ADCY9: variants seen among roughly 807,000 people sequenced by gnomAD.
ADCY9 encodes adenylate cyclase 9.
A neutral mutation model predicts 101.5 loss-of-function variants in ADCY9; 50 were observed. The observed-to-expected ratio is 0.49, with a 90% CI of 0.39 to 0.62. The LOEUF (loss-of-function observed/expected upper bound fraction) is 0.62. Among genes scored for constraint, ADCY9 ranks in the 20% least tolerant of loss-of-function variants. The probability of loss-of-function intolerance (pLI) is 0.00; values close to 1 mark genes in which losing one functional copy is unlikely to be tolerated. For synonymous variants in ADCY9, 905 were observed against 769.3 expected (o/e 1.18, Z -2.92); for missense variants, 1,662 against 1,800.4 (o/e 0.92, Z 1.39).
chr16:3,959,918 C>G (rs2055929034), downstream of ADCY9, among the ~76,000 whole-genome samples: 1 of 152,006 alleles, frequency 6.6e-6, no homozygotes, highest in South Asian at 2.1e-4. Context: ...CCCAGCTACT[C>G]AGGAGGCTGA....
chr16:4,000,887 G>A lies in ADCY9; in HGVS notation c.1884+6481C>T, dbSNP rs1021069012. Among the ~76,000 whole-genome samples the A allele has an allele frequency of 2.6e-5, 4 of 151,112 alleles. No individual in the cohort carries two copies. In the East Asian group the frequency reaches 7.9e-4, roughly 30 times the overall value. On this transcript the variant is annotated intron_variant, in intron 3 of 10. Coordinates refer to ENST00000294016, the MANE Select transcript of ADCY9 (RefSeq NM_001116.4). ...GATAAGAAAATATTTGGCATCTGGG[G>A]AAATTTCATGGAAATGCAATATTTC...
rs59730727 is a variant in ADCY9, at chr16:4,072,994, G to GAAAA, written c.1693+40752_1693+40755dup. On this transcript the variant is annotated intron_variant, in intron 2 of 10. Transcript: ENST00000294016. ...CAACACAAACCTTCATATCCTAAAA[G>GAAAA]AAAAAAAAAAAAAAAAGAAACAAAC... 8.6e-4 allele frequency among the ~76,000 whole-genome samples: 111 copies of GAAAA among 129,678 alleles called. 1 individual carries two copies. The highest frequency in any genetic ancestry group is 1.2e-3 in the African/African-American group (39 of 33,616). The allele number at this position is 129,678 out of a possible 152,430, so 85.1% of individuals were successfully genotyped here. A position where few individuals can be genotyped will look rare whatever the true frequency, so the allele number is the denominator to read the frequency against.
Position 4,016,469 on chromosome 16 carries a change from C to T in ADCY9, c.1694-8911G>A, listed in dbSNP as rs114883913. Among the ~76,000 whole-genome samples the T allele has an allele frequency of 3.9e-3, 600 of 152,250 alleles. 4 individuals carry two copies. Among genetic ancestry groups the T allele is most frequent in the African/African-American group, 0.014 (571 of 41,548 alleles). ...CGTCGGCAGAGGGAGGGGGTCAGGT[C>T]ACACCTGCAGCAGGGACGGGGGTCC... is the stretch of plus-strand genomic sequence containing the variant. On this transcript the variant is annotated intron_variant, in intron 2 of 10. Transcript: ENST00000294016.
At chr16:4,061,742 A>G (rs1298970860) in intron 2 of ADCY9, among the ~76,000 whole-genome samples, 2 of 152,256 alleles carry the variant, frequency 1.3e-5, no homozygotes, top group Admixed American at 6.5e-5. Context: ...AAAGAAAAAA[A>G]CACCAGATTA....
At chr16:4,049,933 G>A (rs1394482114) in intron 2 of ADCY9, among the ~76,000 whole-genome samples, 1 of 152,008 alleles carries the variant, frequency 6.6e-6, no homozygotes, top group Non-Finnish European at 1.5e-5. Flanking sequence ...CAGGAAGCTA[G>A]GGTGGGAGGA....
intron 8 of ADCY9, among the ~76,000 whole-genome samples, chr16:3,977,952 G>A (rs913780488): frequency 3.3e-5 from 5 of 152,122 alleles, no homozygotes; most frequent in African/African-American, 1.2e-4. Context: ...CCTGACCTCA[G>A]GTGATCCACC....
At chr16:4,082,722 A>ACG in intron 2 of ADCY9, among the ~76,000 whole-genome samples, 1 of 135,734 alleles carries the variant, frequency 7.4e-6, no homozygotes, top group South Asian at 2.5e-4. Context: ...ATGCACGCAC[A>ACG]CACATGCACA....
chr16:4,065,848 C>A (rs1007032222), intron 2 of ADCY9, among the ~76,000 whole-genome samples: 1 of 152,200 alleles, frequency 6.6e-6, no homozygotes, highest in Non-Finnish European at 1.5e-5. Flanking sequence ...GGATTACAGG[C>A]GCCCACTGCC....
intron 2 of ADCY9, among the ~76,000 whole-genome samples, chr16:4,028,845 C>T (rs1003471266): frequency 2.6e-5 from 4 of 151,730 alleles, no homozygotes; most frequent in East Asian, 3.9e-4. Context: ...AGTGCAGTGG[C>T]GCGATCTCGG....
At chr16:3,980,482 G>A (rs1274443323) in intron 7 of ADCY9, among the ~76,000 whole-genome samples, 5 of 152,184 alleles carry the variant, frequency 3.3e-5, no homozygotes, top group Non-Finnish European at 7.4e-5. Flanking sequence ...TAGGCCTGCT[G>A]TCCCTGCCTC....
chr16:4,007,286 AG>A (rs1252172990), intron 3 of ADCY9, 81 bp downstream of exon 3: 2 of 1,277,436 alleles, frequency 1.6e-6, no homozygotes, highest in African/African-American at 3.0e-5. Context: ...TCAGACCTGG[AG>A]GCTGCTTATT....
chr16:4,057,037 C>T (rs916329379), intron 2 of ADCY9, among the ~76,000 whole-genome samples: 38 of 23,572 alleles, frequency 1.6e-3, no homozygotes, highest in South Asian at 8.9e-3. Context: ...CTGATGAAAC[C>T]GCCCCCCCCC....
chr16:3,981,482 G>C (rs370328688), intron 7 of ADCY9, among the ~76,000 whole-genome samples: 2 of 152,312 alleles, frequency 1.3e-5, no homozygotes, highest in African/African-American at 4.8e-5. Flanking sequence ...GGAGGTGCCC[G>C]ATAGTTACAT....
intron 2 of ADCY9, among the ~76,000 whole-genome samples, chr16:4,105,776 G>C (rs1381005179): frequency 6.6e-6 from 1 of 152,086 alleles, no homozygotes; most frequent in Non-Finnish European, 1.5e-5. Flanking sequence ...GAGTGCAGGA[G>C]GTCGAGGCTG....
At chr16:4,072,255 T>C (rs1283849547) in intron 2 of ADCY9, among the ~76,000 whole-genome samples, 1 of 152,044 alleles carries the variant, frequency 6.6e-6, no homozygotes, top group Non-Finnish European at 1.5e-5. Context: ...ATTACAAGAG[T>C]GGACTGTGGA....
rs145693515 is a variant in ADCY9 at position 3,966,397 on chromosome 16, C to T, written c.3440G>A (p.Arg1147His). The T allele has an allele frequency of 1.4e-4, 230 of 1,614,010 alleles. No homozygotes were observed. The highest frequency in any genetic ancestry group is 1.8e-4 in the Non-Finnish European group (217 of 1,180,048). The change falls in exon 11 of 11, where the codon CGC becomes CAC. Residue 1147 changes from arginine to histidine, a missense_variant. Coordinates refer to ENST00000294016, the MANE Select transcript of ADCY9 (RefSeq NM_001116.4). Reference protein sequence around the residue: ...ILFEFAKEMMRVVDDFNNNML... With the variant: ...ILFEFAKEMMHVVDDFNNNML... ...GTTGTTGTTGAAGTCGTCCACCACG[C>T]GCATCATCTCCTTGGCGAACTCGAA...
At chr16:4,113,172 T>TAA (rs111589177) in intron 2 of ADCY9, among the ~76,000 whole-genome samples, 12 of 147,036 alleles carry the variant, frequency 8.2e-5, no homozygotes, top group African/African-American at 2.7e-4. Context: ...AAACTTTTTT[T>TAA]AAAAAAAAAA....
chr16:3,959,313 G>C (rs972229066), downstream of ADCY9, among the ~76,000 whole-genome samples: 17 of 148,816 alleles, frequency 1.1e-4, no homozygotes, highest in African/African-American at 4.0e-4. Flanking sequence ...AGTGAGCTGT[G>C]ATTGAGCCAC....
At chr16:4,017,116 A>ATCGCAC (rs1555509411) in intron 2 of ADCY9, among the ~76,000 whole-genome samples, 2 of 151,144 alleles carry the variant, frequency 1.3e-5, no homozygotes, top group Admixed American at 6.8e-5. Flanking sequence ...GTGAGCTATG[A>ATCGCAC]CTGTGTCACT....
Sources: gnomAD v4.1 joint callset for allele counts (sites outside exome capture counted in the v4.1 genomes callset) on GRCh38, gnomAD v4.1.1 for gene constraint, MANE v1.5 for transcripts, NCBI Gene and HGNC (gene_info 2026-07-23, HGNC 2026-07-21) for gene names.